Variants in FCN1 observed in about 807,000 individuals in gnomAD.
FCN1 encodes ficolin 1.
Under a neutral mutation model 35.6 loss-of-function variants are expected in FCN1, and 42 were observed. The observed-to-expected ratio is 1.18, with a 90% CI of 0.92 to 1.53. The LOEUF is 1.53. Ranked by LOEUF, FCN1 falls within the 40% of genes most tolerant of loss-of-function variation. The probability of loss-of-function intolerance (pLI) is 0.00; values close to 1 mark genes in which losing one functional copy is unlikely to be tolerated. For synonymous variants in FCN1, 179 were observed against 169.8 expected (o/e 1.05, Z -0.42); for missense variants, 439 against 428.4 (o/e 1.02, Z -0.22).
intron 4 of FCN1, 146 bp from the exon 5 acceptor site, chr9:134,913,759 A>G (rs1831057189): frequency 1.8e-6 from 1 of 550,396 alleles, no homozygotes; most frequent in Admixed American, 3.6e-5. Flanking sequence ...AGGCCTAGGG[A>G]AGGATGGCCA....
At chr9:134,913,209 G>A in intron 5 of FCN1, 66 bp from the exon 6 acceptor site, 2 of 1,592,444 alleles carry the variant, frequency 1.3e-6, no homozygotes, top group South Asian at 2.2e-5. Flanking sequence ...GCAGTGGGAG[G>A]GAGGCCCAGG....
chr9:134,910,434 C>T (rs141292783), intron 8 of FCN1, among the ~76,000 whole-genome samples: 273 of 152,286 alleles, frequency 1.8e-3, no homozygotes, highest in African/African-American at 6.2e-3. Flanking sequence ...GGGGCTTCTC[C>T]TCTATCTCAA....
chr9:134,911,587 C>T (rs1393242518), intron 7 of FCN1, among the ~76,000 whole-genome samples: 1 of 151,420 alleles, frequency 6.6e-6, no homozygotes, highest in Non-Finnish European at 1.5e-5. Flanking sequence ...CTCTTCACCT[C>T]ATGATCCACC....
chr9:134,914,653 G>T, intron 3 of FCN1, 103 bp downstream of exon 3: 2 of 915,760 alleles, frequency 2.2e-6, no homozygotes, highest in Non-Finnish European at 3.5e-6. Context: ...GTCTCTCTGT[G>T]TCTGTGTCTG....
At chr9:134,912,746 C>T in intron 6 of FCN1, 131 bp from the exon 7 acceptor site, 3 of 1,280,498 alleles carry the variant, frequency 2.3e-6, no homozygotes, top group Non-Finnish European at 3.3e-6. Flanking sequence ...GCACGCCCAT[C>T]TGGTCTCCTC....
In FCN1 at chr9:134,913,171, C is replaced by T. The variant is rs55806386; in HGVS notation, c.341-28G>A. The T allele has an allele frequency of 9.3e-6, 15 of 1,611,476 alleles. No homozygotes were observed. The African/African-American group carries it at 1.7e-4, about 19-fold the overall frequency. ...GGGAAGGGAACCCGGGGAATGGCTG[C>T]AGGACGGGGGCCCTGGGCAGGACAG... On this transcript the variant is annotated intron_variant, in intron 5 of 8. Transcript: ENST00000371806.
At position 134,910,060 on chromosome 9, in the gene FCN1, T is replaced by A. The variant is rs1468048642; in HGVS notation, c.734-15A>T. The A allele has an allele frequency of 3.1e-6, 5 of 1,612,742 alleles. No individual in the cohort carries two copies. In the Admixed American group the frequency reaches 5.0e-5, roughly 16 times the overall value. ...TAGAGAATTACCTGCTCACAGAAAA[T>A]GTGGGGTTTGCAGATGCTGGAAAAA... On this transcript the variant is annotated splice_polypyrimidine_tract_variant and intron_variant, in intron 8 of 8. Transcript: ENST00000371806.
rs1194996517 is a variant in FCN1, at chr9:134,907,953, TG to T, written c.*1844del. 1.3e-5 allele frequency: 2 copies of T among 151,404 alleles called. No individual in the cohort carries two copies. The highest frequency in any genetic ancestry group is 2.4e-5 in the African/African-American group (1 of 41,202). The allele number at this position is 151,404 out of a possible 1,614,324, so 9.4% of individuals were successfully genotyped here. On this transcript the variant is annotated 3_prime_UTR_variant, in exon 9 of 9. Coordinates refer to ENST00000371806, the MANE Select transcript of FCN1 (RefSeq NM_002003.5). ...ACACATGACGGCCATATCCAGGCCC[TG>T]ATGTGGGACTGGCAGGTTAGAGGAC...
rs1230550331 is a variant in FCN1, at chr9:134,909,272, C to T, written c.*526G>A. 2.3e-6 allele frequency: 3 copies of T among 1,289,640 alleles called. No individual in the cohort carries two copies. Among genetic ancestry groups the T allele is most frequent in the Non-Finnish European group, 3.0e-6 (3 of 988,856 alleles). 79.9% of individuals were successfully genotyped at this position (1,289,640 alleles called of 1,614,324 possible). On this transcript the variant is annotated 3_prime_UTR_variant, in exon 9 of 9. Coordinates refer to ENST00000371806, the MANE Select transcript of FCN1 (RefSeq NM_002003.5). ...GCAGAAAAGTTCCTACTAAACTTTC[C>T]CCCTTTTTAGTAAGTGTTTTCTGGA... is the stretch of plus-strand genomic sequence containing the variant.
intron 1 of FCN1, 67 bp downstream of exon 1, chr9:134,917,702 C>A: frequency 1.0e-6 from 1 of 999,916 alleles, no homozygotes; most frequent in Non-Finnish European, 1.6e-6. Context: ...TTGCCTGGGA[C>A]ACCCGAGTGT....
intron 1 of FCN1, among the ~76,000 whole-genome samples, chr9:134,916,702 C>G (rs1831096991): frequency 6.6e-6 from 1 of 152,188 alleles, no homozygotes; most frequent in African/African-American, 2.4e-5. Flanking sequence ...CCCTGGGCTG[C>G]CAAGCGGGGA....
In FCN1 at chr9:134,909,581, A is replaced by G. The variant is rs1830994952; in HGVS notation, c.*217T>C. 1.4e-6 allele frequency: 2 copies of G among 1,478,966 alleles called. No individual in the cohort carries two copies. Among genetic ancestry groups the G allele is most frequent in the Non-Finnish European group, 1.8e-6 (2 of 1,109,924 alleles). The allele number at this position is 1,478,966 out of a possible 1,614,324, so 91.6% of individuals were successfully genotyped here. On this transcript the variant is annotated 3_prime_UTR_variant, in exon 9 of 9. Transcript: ENST00000371806. ...TCAAGAAACACACATTGAAACTGGT[A>G]AAACTTTTCTGTCCCAAAGTAAACA... is the stretch of plus-strand genomic sequence containing the variant.
chr9:134,917,663 T>C (rs1831107656), intron 1 of FCN1, 106 bp downstream of exon 1: 1 of 714,804 alleles, frequency 1.4e-6, no homozygotes, highest in East Asian at 2.6e-5. Flanking sequence ...CTGTTGGGCA[T>C]CTTCACAGGA....
chr9:134,909,102 A>G lies in FCN1; in HGVS notation c.*696T>C. The G allele has an allele frequency of 2.4e-6, 2 of 839,346 alleles. No homozygotes were observed. Among genetic ancestry groups the G allele is most frequent in the Non-Finnish European group, 3.3e-6 (2 of 610,030 alleles). 52.0% of individuals were successfully genotyped at this position (839,346 alleles called of 1,614,324 possible). ...CCCACTGAGGTCCGCGGTCCCCTCT[A>G]GCTGAGGTCTGTGTGTGGGAGGAAG... is the stretch of plus-strand genomic sequence containing the variant. On this transcript the variant is annotated 3_prime_UTR_variant, in exon 9 of 9. Coordinates refer to ENST00000371806, the MANE Select transcript of FCN1 (RefSeq NM_002003.5).
rs1254082086 is a variant in FCN1, at chr9:134,903,854, A to G, written c.*5944T>C. On this transcript the variant is annotated 3_prime_UTR_variant, in exon 9 of 9. Coordinates refer to ENST00000371806, the MANE Select transcript of FCN1 (RefSeq NM_002003.5). ...CCAAGCATTGGAGTCTACACTGGCT[A>G]TTCTATAACTGAAATTAATAACTCA... 6.6e-6 allele frequency among the ~76,000 whole-genome samples: 1 copy of G among 152,254 alleles called. No individual in the cohort carries two copies. The highest frequency in any genetic ancestry group is 2.1e-4 in the South Asian group (1 of 4,828).
intron 5 of FCN1, 132 bp from the exon 6 acceptor site, chr9:134,913,275 G>T: frequency 7.8e-7 from 1 of 1,276,912 alleles, no homozygotes; most frequent in South Asian, 1.3e-5. Flanking sequence ...CCGAGGCCTG[G>T]ACAGGGACAC....
In FCN1 at chr9:134,912,948, A is replaced by G. The variant is rs186003141; in HGVS notation, c.468+68T>C. 2.2e-5 allele frequency: 35 copies of G among 1,574,954 alleles called. No homozygotes were observed. In the South Asian group the frequency reaches 3.9e-4, roughly 18 times the overall value. On this transcript the variant is annotated intron_variant, in intron 6 of 8. Coordinates refer to ENST00000371806, the MANE Select transcript of FCN1 (RefSeq NM_002003.5). Reference sequence around the variant, plus strand: ...AATAGAGAATTCCAGAGTGTGTTCTACAACCAGGTGTGCAGCCTGGCCTCC... The same window carrying G: ...AATAGAGAATTCCAGAGTGTGTTCTGCAACCAGGTGTGCAGCCTGGCCTCC...
Position 134,903,370 on chromosome 9 carries a change from A to G in FCN1, c.*6428T>C, listed in dbSNP as rs1447651810. 6.6e-6 allele frequency among the ~76,000 whole-genome samples: 1 copy of G among 152,210 alleles called. No individual in the cohort carries two copies. The highest frequency in any genetic ancestry group is 2.4e-5 in the African/African-American group (1 of 41,464). ...TAGACCATATTCTGGGCCATAAAAT[A>G]AACATTGGCAAATTTAAAATAATTG... is the stretch of plus-strand genomic sequence containing the variant. On this transcript the variant is annotated 3_prime_UTR_variant, in exon 9 of 9. Transcript: ENST00000371806.
At position 134,906,664 on chromosome 9, in the gene FCN1, A is replaced by T. The variant is rs183471527; in HGVS notation, c.*3134T>A. ...CATGTAATATTACAAGATGATTTTG[A>T]TTAGTTAGTTCCACATTTTATATTG... On this transcript the variant is annotated 3_prime_UTR_variant, in exon 9 of 9. Coordinates refer to ENST00000371806, the MANE Select transcript of FCN1 (RefSeq NM_002003.5). The T allele has an allele frequency of 1.9e-3, 292 of 152,344 alleles. 1 individual carries two copies. Among genetic ancestry groups the T allele is most frequent in the African/African-American group, 6.4e-3 (265 of 41,584 alleles). The allele number at this position is 152,344 out of a possible 1,614,324, so 9.4% of individuals were successfully genotyped here. A position where few individuals can be genotyped will look rare whatever the true frequency, so the allele number is the denominator to read the frequency against.
Sources: allele counts gnomAD v4.1 joint callset (sites outside exome capture counted in the v4.1 genomes callset), GRCh38; gene constraint gnomAD v4.1.1; transcripts MANE v1.5; gene names NCBI Gene and HGNC (gene_info 2026-07-23, HGNC 2026-07-21).